The following DMXL1 variants were observed in gnomAD, a reference collection of about 807,000 sequenced individuals.
DMXL1 encodes dmX-like protein 1.
In DMXL1, 99 loss-of-function variants were observed where a neutral mutation model predicts 319.2. The ratio of observed to expected loss-of-function variants is 0.31; its 90% CI spans 0.26 to 0.37. The LOEUF (loss-of-function observed/expected upper bound fraction) is 0.37, where lower values mean the gene tolerates loss of function less well. Among genes scored for constraint, DMXL1 ranks in the 10% least tolerant of loss-of-function variants. The pLI, the probability that DMXL1 is intolerant of heterozygous loss-of-function variation, is 1.00. For missense variants in DMXL1, 3,745 were observed against 3,595.6 expected (o/e 1.04, Z -1.06); for synonymous variants, 1,385 against 1,235.2 (o/e 1.12, Z -2.54).
chr5:119,174,637 T>C (rs1775426081), intron 25 of DMXL1, among the ~76,000 whole-genome samples: 1 of 152,274 alleles, frequency 6.6e-6, no homozygotes, highest in African/African-American at 2.4e-5. Flanking sequence ...TCTGGTTTGC[T>C]TTCTTACCTA....
rs1233323749 is a variant in DMXL1 at position 119,233,443 on chromosome 5, G to A, written c.8442G>A (p.Met2814Ile). 6.2e-7 allele frequency: 1 copy of A among 1,611,352 alleles called. No homozygotes were observed. The highest frequency in any genetic ancestry group is 1.1e-5 in the South Asian group (1 of 90,998). ...GTGGCAATTCAAGAGTTACAAGAAT[G>A]AGATTTAACTATCAGGGAAATAAGG... ...RSGGNSRVTR[M>I]RFNYQGNKFG... is the part of the protein sequence containing the mutation. The change falls in exon 39 of 44, where the codon ATG becomes ATA. Residue 2814 changes from methionine to isoleucine, a missense_variant. Transcript: ENST00000539542.
At chr5:119,111,116 A>G (rs1448732727) in intron 5 of DMXL1, among the ~76,000 whole-genome samples, 1 of 152,130 alleles carries the variant, frequency 6.6e-6, no homozygotes, top group Non-Finnish European at 1.5e-5. Context: ...AGCAGGGAAA[A>G]CTAGCTAGCT....
At chr5:119,217,016 T>C (rs1581383629) in intron 35 of DMXL1, 29 bp downstream of exon 35, 1 of 1,258,526 alleles carries the variant, frequency 7.9e-7, no homozygotes, top group South Asian at 1.5e-5. Flanking sequence ...TTCTTTTGTT[T>C]ATTAAGTATT....
In DMXL1 at chr5:119,170,528, G is replaced by A; in HGVS notation, c.5737G>A (p.Asp1913Asn). 6.2e-7 allele frequency: 1 copy of A among 1,613,744 alleles called. No individual in the cohort carries two copies. The change falls in exon 24 of 44, where the codon GAT becomes AAT. Residue 1913 changes from aspartate to asparagine, a missense_variant. Coordinates refer to ENST00000539542, the MANE Select transcript of DMXL1 (RefSeq NM_001290321.3). ...TTCTCCTTCTTCTCCATTAAAGTTG[G>A]ATGCAAGGGAAGATAAGTCTTCTGC... ...DCSPSSPLKL[D>N]AREDKSSAVD...
At chr5:119,194,441 C>G (rs1288045879) in intron 30 of DMXL1, among the ~76,000 whole-genome samples, 2 of 152,210 alleles carry the variant, frequency 1.3e-5, no homozygotes, top group East Asian at 3.8e-4. Flanking sequence ...ATGCTCACCT[C>G]TAGCTCCAAT....
At chr5:119,192,515 C>G (rs1778873111) in intron 29 of DMXL1, among the ~76,000 whole-genome samples, 2 of 152,166 alleles carry the variant, frequency 1.3e-5, no homozygotes, top group Non-Finnish European at 2.9e-5. Context: ...CCTTTTTCCC[C>G]TTTCATACTT....
At chr5:119,162,401 A>G (rs1177590958) in intron 19 of DMXL1, among the ~76,000 whole-genome samples, 4 of 152,150 alleles carry the variant, frequency 2.6e-5, no homozygotes, top group Admixed American at 6.5e-5. Flanking sequence ...TATTTTTCAT[A>G]TTTCTGCAGG....
chr5:119,206,532 T>C (rs533458590), intron 33 of DMXL1: 11 of 191,574 alleles, frequency 5.7e-5, no homozygotes, highest in Admixed American at 1.2e-4. Flanking sequence ...ATATAAAGTA[T>C]TTTGGTTTCA....
chr5:119,248,231 T>G lies in DMXL1; in HGVS notation c.*1012T>G, dbSNP rs1419210032. 1 of 152,480 alleles carries G rather than the reference T, an allele frequency of 6.6e-6. No homozygotes were observed. The highest frequency in any genetic ancestry group is 1.5e-5 in the Non-Finnish European group (1 of 67,946). 9.4% of individuals were successfully genotyped at this position (152,480 alleles called of 1,614,324 possible). A position where few individuals can be genotyped will look rare whatever the true frequency, so the allele number is the denominator to read the frequency against. ...GAATAGCAGTGTTTTCAGAAACAAA[T>G]GTGAAAGCAGTCAAATTAAGTAGAT... On this transcript the variant is annotated 3_prime_UTR_variant, in exon 44 of 44. Coordinates refer to ENST00000539542, the MANE Select transcript of DMXL1 (RefSeq NM_001290321.3).
Position 119,171,989 on chromosome 5 carries a change from A to C in DMXL1, c.6681+20A>C, listed in dbSNP as rs558661872. ...AATAAAGTAAGTATGCTTGGTTTCAAGCTTTTACTTCATCTGTACAATGAT... is the reference window on the plus strand; with the variant it reads ...AATAAAGTAAGTATGCTTGGTTTCACGCTTTTACTTCATCTGTACAATGAT... On this transcript the variant is annotated intron_variant, in intron 25 of 43. Transcript: ENST00000539542. The C allele has an allele frequency of 3.8e-6, 6 of 1,590,132 alleles. No individual in the cohort carries two copies. The South Asian group carries it at 5.7e-5, about 15-fold the overall frequency.
rs1390894839 is a variant in DMXL1 at position 119,122,324 on chromosome 5, A to G, written c.1102+1185A>G. On this transcript the variant is annotated intron_variant, in intron 9 of 43. Coordinates refer to ENST00000539542, the MANE Select transcript of DMXL1 (RefSeq NM_001290321.3). ...GGCCGGGCGGGGGGCTGACCCCCCCACCTCCCTCCCGGAGGGGGCGGCTGG... is the reference window on the plus strand; with the variant it reads ...GGCCGGGCGGGGGGCTGACCCCCCCGCCTCCCTCCCGGAGGGGGCGGCTGG... 1.7e-5 allele frequency among the ~76,000 whole-genome samples: 2 copies of G among 116,322 alleles called. 1 individual carries two copies. The highest frequency in any genetic ancestry group is 3.6e-5 in the Non-Finnish European group (2 of 55,416). 76.3% of individuals were successfully genotyped at this position (116,322 alleles called of 152,430 possible).
intron 3 of DMXL1, chr5:119,102,247 T>C (rs1757429213): frequency 1.7e-5 from 5 of 302,174 alleles, no homozygotes; most frequent in Middle Eastern, 1.0e-3. Flanking sequence ...TTTTTAATTT[T>C]ATAATATTTC....
chr5:119,150,053 A>G lies in DMXL1; in HGVS notation c.4226A>G (p.Tyr1409Cys). The G allele has an allele frequency of 6.2e-7, 1 of 1,613,900 alleles. No homozygotes were observed. Among genetic ancestry groups the G allele is most frequent in the Non-Finnish European group, 8.5e-7 (1 of 1,179,888 alleles). The change falls in exon 18 of 44, where the codon TAT (tyrosine) becomes TGT (cysteine). Residue 1409 changes from tyrosine to cysteine, a missense_variant. Coordinates refer to ENST00000539542, the MANE Select transcript of DMXL1 (RefSeq NM_001290321.3). ...EIDSVPPLPL[Y>C]ALLAADDDSC... Reference sequence around the variant, plus strand: ...GATTCTGTTCCTCCACTTCCTTTATATGCCTTACTTGCAGCAGATGATGAT... The same window carrying G: ...GATTCTGTTCCTCCACTTCCTTTATGTGCCTTACTTGCAGCAGATGATGAT...
At chr5:119,171,656 G>T in intron 24 of DMXL1, 122 bp from the exon 25 acceptor site, 1 of 750,668 alleles carries the variant, frequency 1.3e-6, no homozygotes, top group Non-Finnish European at 2.0e-6. Flanking sequence ...CTAACTCTAA[G>T]TTTCTATTAT....
Position 119,163,257 on chromosome 5 carries a change from T to G in DMXL1, c.4703-1250T>G, listed in dbSNP as rs575263904. 4.6e-5 allele frequency among the ~76,000 whole-genome samples: 7 copies of G among 152,338 alleles called. No homozygotes were observed. The East Asian group carries it at 1.3e-3, about 29-fold the overall frequency. On this transcript the variant is annotated intron_variant, in intron 19 of 43. Coordinates refer to ENST00000539542, the MANE Select transcript of DMXL1 (RefSeq NM_001290321.3). ...TTGCATTTTTTACATACAGAGAGATTGAGGCATTAAGAGACAACGTAACTT... is the reference window on the plus strand; with the variant it reads ...TTGCATTTTTTACATACAGAGAGATGGAGGCATTAAGAGACAACGTAACTT...
intron 38 of DMXL1, among the ~76,000 whole-genome samples, chr5:119,229,269 A>G (rs541730848): frequency 1.2e-4 from 18 of 152,258 alleles, no homozygotes; most frequent in Admixed American, 9.8e-4. Context: ...ACCTAAAAAG[A>G]CATGAAGCAC....
intron 23 of DMXL1, among the ~76,000 whole-genome samples, chr5:119,168,734 AT>A (rs1430660716): frequency 6.6e-6 from 1 of 151,812 alleles, no homozygotes; most frequent in East Asian, 1.9e-4. Context: ...AAAAAAAAAA[AT>A]TAGACACAGT....
intron 13 of DMXL1, among the ~76,000 whole-genome samples, chr5:119,135,709 C>T (rs923084089): frequency 6.6e-5 from 10 of 152,170 alleles, no homozygotes; most frequent in East Asian, 5.8e-4. Flanking sequence ...CCCCTGTGCA[C>T]GTGCCGTCTC....
chr5:119,166,435 A>G (rs998593243), intron 21 of DMXL1, among the ~76,000 whole-genome samples, 181 bp from the exon 22 acceptor site: 1 of 152,190 alleles, frequency 6.6e-6, no homozygotes, highest in Non-Finnish European at 1.5e-5. Context: ...AATCTCTGAG[A>G]CTTATATAAC....
Sources: allele counts gnomAD v4.1 joint callset (sites outside exome capture counted in the v4.1 genomes callset), GRCh38; gene constraint gnomAD v4.1.1; transcripts MANE v1.5; gene names NCBI Gene and HGNC (gene_info 2026-07-23, HGNC 2026-07-21).